LRRC41: variants seen among roughly 807,000 people sequenced by gnomAD.
LRRC41 encodes leucine-rich repeat-containing protein 41.
A neutral mutation model predicts 72.1 loss-of-function variants in LRRC41; 17 were observed. That is an observed-to-expected ratio of 0.24 (90% CI 0.16 to 0.35). The LOEUF (loss-of-function observed/expected upper bound fraction) is 0.35. Among genes scored for constraint, LRRC41 ranks in the 10% least tolerant of loss-of-function variants. The pLI, the probability that LRRC41 is intolerant of heterozygous loss-of-function variation, is 1.00. For synonymous variants in LRRC41, 427 were observed against 431.0 expected, an observed-to-expected ratio of 0.99 and a Z score of 0.11; for missense variants, 759 against 1,065.0, an observed-to-expected ratio of 0.71 and a Z score of 4.00.
chr1:46,285,488 G>T lies in LRRC41; in HGVS notation c.1369C>A (p.Gln457Lys). 1 of 1,614,174 alleles carries T rather than the reference G, an allele frequency of 6.2e-7. No individual in the cohort carries two copies. The highest frequency in any genetic ancestry group is 8.5e-7 in the Non-Finnish European group (1 of 1,180,044). The change falls in exon 4 of 10, where the codon CAA becomes AAA. Residue 457 changes from glutamine (Q) to lysine (K), a missense_variant. Gln to Lys is a moderately conservative substitution (Grantham distance 53). This residue lies in a region of LRRC41 where 427 missense variants were observed against 520.9 expected (regional missense o/e 0.82). Transcript: ENST00000617190. This position sits in a 1 kb window ranked among gnomAD's most constrained non-coding sequence, Gnocchi z 5.3. ...CLGLPALEAS[Q>K]RFRSISTLEL... ...AAGGTGGAGATGCTGCGGAATCTTTGTGAAGCTTCCAGTGCTGGAAGCCCC... is the reference window on the plus strand; with the variant it reads ...AAGGTGGAGATGCTGCGGAATCTTTTTGAAGCTTCCAGTGCTGGAAGCCCC...
chr1:46,281,971 C>T (rs1382925141), intron 4 of LRRC41, among the ~76,000 whole-genome samples: 4 of 151,694 alleles, frequency 2.6e-5, no homozygotes, highest in Admixed American at 6.6e-5. Context: ...CCCAGCTACT[C>T]GGGAGGCTGA....
chr1:46,279,314 T>C lies in LRRC41; in HGVS notation c.2144-57A>G, dbSNP rs779675307. Reference sequence around the variant, plus strand: ...CACCCAAGAACAGGGGACAAGGGTATCCCAACCCAACTATGGCTGGCAGAA... The same window carrying C: ...CACCCAAGAACAGGGGACAAGGGTACCCCAACCCAACTATGGCTGGCAGAA... On this transcript the variant is annotated intron_variant, in intron 8 of 9. Transcript: ENST00000617190. The surrounding 1 kb of genome is among the most constrained non-coding windows in gnomAD (Gnocchi z 4.5). 2 of 1,594,992 alleles carry C rather than the reference T, an allele frequency of 1.3e-6. No homozygotes were observed. Among genetic ancestry groups the C allele is most frequent in the Non-Finnish European group, 8.6e-7 (1 of 1,162,704 alleles).
chr1:46,295,087 C>T (rs571867691), intron 3 of LRRC41, among the ~76,000 whole-genome samples: 56 of 150,276 alleles, frequency 3.7e-4, no homozygotes, highest in African/African-American at 1.3e-3. Context: ...GAGACAGGGT[C>T]TCTCTCCTGT....
Position 46,298,343 on chromosome 1 carries a change from A to T in LRRC41, c.227T>A (p.Ile76Asn). The change falls in exon 2 of 10, where the codon ATC becomes AAC. Residue 76 changes from isoleucine to asparagine, a missense_variant. By Grantham distance (149) the Ile-to-Asn change is moderately radical. This residue lies in a region of LRRC41 where 116 missense variants were observed against 250.9 expected (regional missense o/e 0.46). Transcript: ENST00000617190. Reference sequence around the variant, plus strand: ...GTAATATATATTGAGCAGAGGTAGGATGCTTTGAAGTATTGGGCCTGGGAG... The same window carrying T: ...GTAATATATATTGAGCAGAGGTAGGTTGCTTTGAAGTATTGGGCCTGGGAG... ...WALPGPILQS[I>N]LPLLNIYYLE... 6.2e-7 allele frequency: 1 copy of T among 1,612,582 alleles called. No homozygotes were observed. The highest frequency in any genetic ancestry group is 8.5e-7 in the Non-Finnish European group (1 of 1,179,376).
At position 46,277,963 on chromosome 1, in the gene LRRC41, C is replaced by A; in HGVS notation, c.*902G>T. On this transcript the variant is annotated 3_prime_UTR_variant, in exon 10 of 10. Coordinates refer to ENST00000617190, the MANE Select transcript of LRRC41 (RefSeq NM_006369.5). ...TGTTTATCCTGGATGAAGCTAGCCT[C>A]AGTGACACACATGACAGGTGGGGAA... 6.2e-7 allele frequency: 1 copy of A among 1,614,160 alleles called. No individual in the cohort carries two copies. The highest frequency in any genetic ancestry group is 8.5e-7 in the Non-Finnish European group (1 of 1,180,036).
At chr1:46,290,441 T>C (rs1006736231) in intron 3 of LRRC41, among the ~76,000 whole-genome samples, 7 of 152,178 alleles carry the variant, frequency 4.6e-5, no homozygotes, top group African/African-American at 1.7e-4. Context: ...TATTTACATA[T>C]ATGAGAGTAC....
At chr1:46,281,659 G>A (rs1267080137) in intron 4 of LRRC41, among the ~76,000 whole-genome samples, 2 of 152,198 alleles carry the variant, frequency 1.3e-5, no homozygotes, top group Non-Finnish European at 2.9e-5. Flanking sequence ...GAGGCAGCAT[G>A]TGGCTACTAG....
At position 46,279,322 on chromosome 1, in the gene LRRC41, C is replaced by T; in HGVS notation, c.2144-65G>A. The T allele has an allele frequency of 1.0e-5, 16 of 1,589,584 alleles. No homozygotes were observed. The highest frequency in any genetic ancestry group is 1.3e-5 in the Non-Finnish European group (15 of 1,157,796). The stretch of plus-strand genomic sequence containing the variant: ...AACAGGGGACAAGGGTATCCCAACC[C>T]AACTATGGCTGGCAGAACCAGCCCT... On this transcript the variant is annotated intron_variant, in intron 8 of 9. Coordinates refer to ENST00000617190, the MANE Select transcript of LRRC41 (RefSeq NM_006369.5). This position sits in a 1 kb window ranked among gnomAD's most constrained non-coding sequence, Gnocchi z 4.5.
At position 46,302,639 on chromosome 1, in the gene LRRC41, C is replaced by T; in HGVS notation, c.199+485G>A. On this transcript the variant is annotated intron_variant, in intron 1 of 9. Transcript: ENST00000617190. This position sits in a 1 kb window ranked among gnomAD's most constrained non-coding sequence, Gnocchi z 4.7. ...ATCTCGACCCCCGTGGCGTGTCAGGCAGATGCTGGAGCCCCGGGGCCATCA... is the reference window on the plus strand; with the variant it reads ...ATCTCGACCCCCGTGGCGTGTCAGGTAGATGCTGGAGCCCCGGGGCCATCA... 1.0e-6 allele frequency: 1 copy of T among 985,378 alleles called. No individual in the cohort carries two copies. Among genetic ancestry groups the T allele is most frequent in the Non-Finnish European group, 1.2e-6 (1 of 829,896 alleles). The allele number at this position is 985,378 out of a possible 1,614,324, so 61.0% of individuals were successfully genotyped here. A position where few individuals can be genotyped will look rare whatever the true frequency, so the allele number is the denominator to read the frequency against.
intron 4 of LRRC41, chr1:46,284,460 A>G (rs1374984848): frequency 6.6e-6 from 1 of 152,204 alleles, no homozygotes; most frequent in Non-Finnish European, 1.5e-5. Flanking sequence ...CAGTATATAA[A>G]AATTAGTTTG....
intron 3 of LRRC41, among the ~76,000 whole-genome samples, chr1:46,295,672 C>T (rs1032798181): frequency 2.0e-5 from 3 of 152,202 alleles, no homozygotes; most frequent in African/African-American, 7.2e-5. Flanking sequence ...AGAAAGCTTT[C>T]TCCAAGAGAA....
rs28363251 is a variant in LRRC41, at chr1:46,279,578, C to T, written c.2057G>A (p.Arg686His). 27 of 1,614,014 alleles carry T rather than the reference C, an allele frequency of 1.7e-5. No individual in the cohort carries two copies. The highest frequency in any genetic ancestry group is 1.6e-4 in the Middle Eastern group (1 of 6,084). ...CATCTCAGGCAGAAATTGGGCTGGG[C>T]GCTTCTCAAACAGACGGCAGAAGGA... ...TFSFCRLFEK[R>H]PAQFLPEMVA... Residue 686 changes from arginine (R) to histidine (H), a missense_variant, in exon 8 of 10, where the codon CGC (arginine) becomes CAC (histidine). Physicochemically the swap from Arg to His is conservative, Grantham distance 29. Transcript: ENST00000617190. This position sits in a 1 kb window ranked among gnomAD's most constrained non-coding sequence, Gnocchi z 4.5.
At chr1:46,284,693 C>G (rs1466644904) in intron 4 of LRRC41, among the ~76,000 whole-genome samples, 1 of 152,012 alleles carries the variant, frequency 6.6e-6, no homozygotes, top group African/African-American at 2.4e-5. Context: ...TCTATTTTCT[C>G]TGTGAAGTAG....
chr1:46,282,049 G>A (rs1031483045), intron 4 of LRRC41, among the ~76,000 whole-genome samples: 5 of 151,534 alleles, frequency 3.3e-5, no homozygotes, highest in South Asian at 2.1e-4. Flanking sequence ...ACTGCACTCC[G>A]GCTTAGGTGA....
rs771358417 is a variant in LRRC41, at chr1:46,281,400, A to G, written c.1496-15T>C. On this transcript the variant is annotated splice_polypyrimidine_tract_variant and intron_variant, in intron 4 of 9. Coordinates refer to ENST00000617190, the MANE Select transcript of LRRC41 (RefSeq NM_006369.5). ...AGAGCCCAGGCCTATGGCAAGAAAG[A>G]GATTAAGTCAGAACCATGTGGGAGT... The G allele has an allele frequency of 5.0e-6, 8 of 1,613,504 alleles. No individual in the cohort carries two copies. The highest frequency in any genetic ancestry group is 4.4e-5 in the South Asian group (4 of 91,060).
chr1:46,302,460 A>C lies in LRRC41; in HGVS notation c.199+664T>G. 1.0e-6 allele frequency: 1 copy of C among 984,454 alleles called. No individual in the cohort carries two copies. Among genetic ancestry groups the C allele is most frequent in the Non-Finnish European group, 1.2e-6 (1 of 829,718 alleles). 61.0% of individuals were successfully genotyped at this position (984,454 alleles called of 1,614,324 possible). The stretch of plus-strand genomic sequence containing the variant: ...CGCTCGGTCGCTTAGTCAGTTTGGC[A>C]CCCGAGACCCCGGTTGTCGGTTCGC... On this transcript the variant is annotated intron_variant, in intron 1 of 9. Coordinates refer to ENST00000617190, the MANE Select transcript of LRRC41 (RefSeq NM_006369.5). The surrounding 1 kb of genome is among the most constrained non-coding windows in gnomAD (Gnocchi z 4.7).
chr1:46,287,627 G>T (rs948271995), intron 3 of LRRC41, among the ~76,000 whole-genome samples: 1 of 152,132 alleles, frequency 6.6e-6, no homozygotes, highest in Non-Finnish European at 1.5e-5. Context: ...AGCCAAGCTG[G>T]TCACCCCACG....
chr1:46,288,926 C>T (rs561338517), intron 3 of LRRC41, among the ~76,000 whole-genome samples: 3 of 152,310 alleles, frequency 2.0e-5, no homozygotes, highest in Non-Finnish European at 2.9e-5. Flanking sequence ...TTTGCTGGCC[C>T]ACACCCAGTC....
Position 46,285,393 on chromosome 1 carries a change from C to T in LRRC41, c.1464G>A (p.Val488=). Residue 488 remains valine, a synonymous_variant, in exon 4 of 10, where the codon GTG becomes GTA. Transcript: ENST00000617190. This position sits in a 1 kb window ranked among gnomAD's most constrained non-coding sequence, Gnocchi z 5.3. The part of the protein sequence containing the change: ...LTLCHLLSSW[V]SLESLTLSYN... ...AGGAGAGTGTGAGGCTCTCCAGTGA[C>T]ACCCAGGAGCTCAGCAGGTGGCATA... The T allele has an allele frequency of 6.2e-7, 1 of 1,614,090 alleles. No individual in the cohort carries two copies. Among genetic ancestry groups the T allele is most frequent in the Non-Finnish European group, 8.5e-7 (1 of 1,179,980 alleles).
Sources: allele counts gnomAD v4.1 joint callset (sites outside exome capture counted in the v4.1 genomes callset), GRCh38; gene constraint gnomAD v4.1.1; regional missense constraint gnomAD v4.1.1; non-coding constraint Gnocchi (gnomAD v3.1); transcripts MANE v1.5; gene names NCBI Gene and HGNC (gene_info 2026-07-23, HGNC 2026-07-21).